SNTB2: variants seen among roughly 807,000 people sequenced by gnomAD.
SNTB2 encodes the protein syntrophin beta 2.
Under a neutral mutation model 46.2 loss-of-function variants are expected in SNTB2, and 34 were observed. The observed-to-expected ratio is 0.74, with a 90% CI of 0.56 to 0.98. The LOEUF is 0.98. Ranked by LOEUF, SNTB2 falls within the 50% of genes least tolerant of loss-of-function variation. The pLI is 0.00. For synonymous variants in SNTB2, 290 were observed against 312.6 expected (o/e 0.93, Z 0.76); for missense variants, 603 against 731.4 (o/e 0.82, Z 2.02).
intron 1 of SNTB2, among the ~76,000 whole-genome samples, chr16:69,244,872 G>C (rs1290064763): frequency 6.6e-6 from 1 of 152,202 alleles, no homozygotes; most frequent in African/African-American, 2.4e-5. Flanking sequence ...ATTTGCCCTT[G>C]TGTCTTTACT....
At chr16:69,272,020 G>C (rs576402999) in intron 4 of SNTB2, among the ~76,000 whole-genome samples, 1 of 152,122 alleles carries the variant, frequency 6.6e-6, no homozygotes, top group Non-Finnish European at 1.5e-5. Context: ...TATAAAACTC[G>C]TAGAATAAAA....
At chr16:69,281,229 A>T (rs1173999122) in intron 4 of SNTB2, among the ~76,000 whole-genome samples, 1 of 149,636 alleles carries the variant, frequency 6.7e-6, no homozygotes, top group Non-Finnish European at 1.5e-5. Context: ...CTCCTATGTT[A>T]TAGATTTTTT....
intron 5 of SNTB2, among the ~76,000 whole-genome samples, chr16:69,288,712 C>T (rs1965130499): frequency 6.6e-6 from 1 of 152,150 alleles, no homozygotes; most frequent in Admixed American, 6.6e-5. Context: ...GAAGAGAAAT[C>T]AGCATGTCAG....
intron 1 of SNTB2, chr16:69,235,660 A>G: frequency 8.2e-7 from 1 of 1,219,956 alleles, no homozygotes; most frequent in Non-Finnish European, 1.0e-6. Context: ...AACAAAACAA[A>G]AAACCCTGGC....
At position 69,235,867 on chromosome 16, in the gene SNTB2, A is replaced by G. The variant is rs1416265675; in HGVS notation, c.581-9735A>G. ...GAACCCGTTAGCTACCACTTCTACA[A>G]CTGTTCTTGGAGTTGTGTGGATGCA... On this transcript the variant is annotated intron_variant, in intron 1 of 6. Coordinates refer to ENST00000336278, the MANE Select transcript of SNTB2 (RefSeq NM_006750.4). 22 of 1,288,398 alleles carry G rather than the reference A, an allele frequency of 1.7e-5. No homozygotes were observed. In the Admixed American group the frequency reaches 4.6e-4, roughly 27 times the overall value. The allele number at this position is 1,288,398 out of a possible 1,614,324, so 79.8% of individuals were successfully genotyped here.
intron 5 of SNTB2, among the ~76,000 whole-genome samples, chr16:69,289,780 G>C (rs1965142609): frequency 6.6e-6 from 1 of 152,010 alleles, no homozygotes. Context: ...AAATTACCCA[G>C]GCCTGGTGGT....
At chr16:69,205,511 A>G (rs1438955033) in intron 1 of SNTB2, among the ~76,000 whole-genome samples, 2 of 151,830 alleles carry the variant, frequency 1.3e-5, no homozygotes, top group East Asian at 3.9e-4. Context: ...CAGAATTCAT[A>G]TTTAACAGAT....
Position 69,231,493 on chromosome 16 carries a change from G to A in SNTB2, c.581-14109G>A, listed in dbSNP as rs536808020. On this transcript the variant is annotated intron_variant, in intron 1 of 6. Transcript: ENST00000336278. ...AATCCCAGCTACTCGGGAGGCTGAG[G>A]CAGGAGAATTGCTTGAACCTGGGAG... Among the ~76,000 whole-genome samples the A allele has an allele frequency of 1.2e-3, 190 of 152,300 alleles. 2 individuals carry two copies. The highest frequency in any genetic ancestry group is 4.3e-3 in the African/African-American group (180 of 41,570).
intron 1 of SNTB2, among the ~76,000 whole-genome samples, chr16:69,214,378 C>G (rs929067955): frequency 6.6e-6 from 1 of 151,464 alleles, no homozygotes; most frequent in African/African-American, 2.4e-5. Flanking sequence ...GAACTCCTGA[C>G]CTCAAGTGAT....
intron 1 of SNTB2, among the ~76,000 whole-genome samples, chr16:69,229,806 C>T (rs1321074213): frequency 2.8e-5 from 4 of 142,554 alleles, no homozygotes; most frequent in Non-Finnish European, 6.0e-5. Flanking sequence ...CATGCCACTG[C>T]ACTCCAGCCT....
chr16:69,258,797 G>C (rs543657779), intron 2 of SNTB2, among the ~76,000 whole-genome samples: 27 of 151,858 alleles, frequency 1.8e-4, no homozygotes, highest in Non-Finnish European at 3.5e-4. Flanking sequence ...TATTTTAGTA[G>C]AGACAGGGTT....
At chr16:69,258,962 G>A (rs1294698267) in intron 2 of SNTB2, among the ~76,000 whole-genome samples, 1 of 151,886 alleles carries the variant, frequency 6.6e-6, no homozygotes, top group Non-Finnish European at 1.5e-5. Context: ...TCATTATATG[G>A]CAGTACATCT....
chr16:69,193,537 C>G (rs969341468), intron 1 of SNTB2, among the ~76,000 whole-genome samples: 1 of 151,702 alleles, frequency 6.6e-6, no homozygotes, highest in Non-Finnish European at 1.5e-5. Context: ...CCATGTTGGC[C>G]AGGCTGGTCT....
intron 1 of SNTB2, among the ~76,000 whole-genome samples, chr16:69,197,474 T>C (rs1239912637): frequency 2.0e-5 from 3 of 152,352 alleles, no homozygotes; most frequent in Admixed American, 6.5e-5. Context: ...AATATTTTAT[T>C]AGTAATATAA....
At chr16:69,285,330 A>G (rs866013874) in intron 5 of SNTB2, among the ~76,000 whole-genome samples, 2 of 150,620 alleles carry the variant, frequency 1.3e-5, no homozygotes, top group Admixed American at 1.3e-4. Context: ...CGTATGTACA[A>G]CATGACATTT....
At chr16:69,274,477 C>G (rs1964967837) in intron 4 of SNTB2, among the ~76,000 whole-genome samples, 1 of 151,782 alleles carries the variant, frequency 6.6e-6, no homozygotes, top group African/African-American at 2.4e-5. Flanking sequence ...CACAGTGAAA[C>G]CCCGTCTCTA....
At chr16:69,222,937 A>G (rs954679731) in intron 1 of SNTB2, among the ~76,000 whole-genome samples, 6 of 150,576 alleles carry the variant, frequency 4.0e-5, no homozygotes, top group African/African-American at 1.5e-4. Context: ...ACATGCCACC[A>G]TGCCCAGCTA....
intron 6 of SNTB2, among the ~76,000 whole-genome samples, chr16:69,300,261 T>TC (rs888446333): frequency 1.7e-4 from 26 of 151,814 alleles, no homozygotes; most frequent in Non-Finnish European, 2.9e-4. Context: ...CTTTTTTTTT[T>TC]CTTTTTTGAG....
intron 4 of SNTB2, among the ~76,000 whole-genome samples, chr16:69,281,992 C>T (rs879815047): frequency 2.1e-4 from 31 of 148,162 alleles, no homozygotes; most frequent in Non-Finnish European, 3.9e-4. Flanking sequence ...GCAACCTCCA[C>T]CTTCCCGGGT....
Sources: gnomAD v4.1 joint callset for allele counts (sites outside exome capture counted in the v4.1 genomes callset) on GRCh38, gnomAD v4.1.1 for gene constraint, MANE v1.5 for transcripts, NCBI Gene and HGNC (gene_info 2026-07-23, HGNC 2026-07-21) for gene names.